Variants in MCC observed in about 807,000 individuals in gnomAD.
MCC encodes the protein colorectal mutant cancer protein.
A neutral mutation model predicts 116.2 loss-of-function variants in MCC; 90 were observed. The observed-to-expected ratio is 0.77, with a 90% confidence interval of 0.65 to 0.92. MCC has a LOEUF of 0.92. Ranked by LOEUF, MCC falls within the 40% of genes least tolerant of loss-of-function variation. The probability of loss-of-function intolerance (pLI) is 0.00; values close to 1 mark genes in which losing one functional copy is unlikely to be tolerated. For missense variants in MCC, 1,516 were observed against 1,312.2 expected, an observed-to-expected ratio of 1.16 and a Z score of -2.40; for synonymous variants, 578 against 510.5, an observed-to-expected ratio of 1.13 and a Z score of -1.78.
chr5:113,161,042 TTG>T (rs879640711), intron 3 of MCC, among the ~76,000 whole-genome samples: 1 of 152,214 alleles, frequency 6.6e-6, no homozygotes, highest in Non-Finnish European at 1.5e-5. Context: ...TATACAAATA[TTG>T]TAAGACAATA....
At chr5:113,356,676 C>A (rs1768423424) in intron 2 of MCC, among the ~76,000 whole-genome samples, 1 of 152,142 alleles carries the variant, frequency 6.6e-6, no homozygotes, top group Non-Finnish European at 1.5e-5. Context: ...CAAAGTGCCA[C>A]CCAGGTTTGG....
At chr5:113,040,539 G>A (rs1225038044) in intron 17 of MCC, among the ~76,000 whole-genome samples, 1 of 151,972 alleles carries the variant, frequency 6.6e-6, no homozygotes, top group Non-Finnish European at 1.5e-5. Context: ...CCATAAGCTC[G>A]GCTGTGATTT....
chr5:113,043,399 T>C, intron 17 of MCC, 131 bp downstream of exon 17: 2 of 844,104 alleles, frequency 2.4e-6, no homozygotes. Context: ...CCTTCTCCAT[T>C]TCTGGCTTCC....
At chr5:113,439,606 T>C (rs866806989) in intron 1 of MCC, among the ~76,000 whole-genome samples, 2 of 152,320 alleles carry the variant, frequency 1.3e-5, no homozygotes, top group Middle Eastern at 3.4e-3. Context: ...AGTTTTCTGC[T>C]AGAGACTCAT....
chr5:113,179,989 TC>T (rs1026299974), intron 3 of MCC, among the ~76,000 whole-genome samples: 3 of 152,194 alleles, frequency 2.0e-5, no homozygotes, highest in Admixed American at 2.0e-4. Context: ...AGATGTAGCT[TC>T]AGACGATGTG....
At chr5:113,306,861 T>G (rs1766998317) in intron 3 of MCC, among the ~76,000 whole-genome samples, 1 of 152,198 alleles carries the variant, frequency 6.6e-6, no homozygotes, top group Non-Finnish European at 1.5e-5. Context: ...AGCCCTTATG[T>G]TGAGGTCAAT....
intron 11 of MCC, among the ~76,000 whole-genome samples, chr5:113,080,815 C>CAAAAAAAAAAAAAAAAAAAAAAAAA (rs1236332931): frequency 9.0e-6 from 1 of 110,762 alleles, no homozygotes; most frequent in African/African-American, 3.8e-5. Context: ...ACAACAACAA[C>CAAAAAAAAAAAAAAAAAAAAAAAAA]AAAAAAAAAA....
At chr5:113,375,662 C>CT (rs1230248671) in intron 2 of MCC, among the ~76,000 whole-genome samples, 1 of 152,108 alleles carries the variant, frequency 6.6e-6, no homozygotes, top group Non-Finnish European at 1.5e-5. Flanking sequence ...GGGCTTGGTG[C>CT]TGGCTGTTGG....
At chr5:113,310,791 T>C (rs115447001) in intron 3 of MCC, among the ~76,000 whole-genome samples, 3,422 of 152,334 alleles carry the variant, frequency 0.022, 78 homozygotes, top group East Asian at 0.075. Context: ...TGGACTAATT[T>C]ATTTTATCTT....
chr5:113,139,297 G>A (rs1283452748), intron 5 of MCC, among the ~76,000 whole-genome samples: 1 of 152,146 alleles, frequency 6.6e-6, no homozygotes, highest in African/African-American at 2.4e-5. Flanking sequence ...TTAATGCAGA[G>A]TCCTTTGTTG....
intron 1 of MCC, among the ~76,000 whole-genome samples, chr5:113,413,720 C>G (rs1360549369): frequency 6.6e-6 from 1 of 152,108 alleles, no homozygotes; most frequent in Non-Finnish European, 1.5e-5. Flanking sequence ...TTCAAAAAAC[C>G]AGCTCTTGGA....
intron 11 of MCC, among the ~76,000 whole-genome samples, chr5:113,073,282 C>T (rs1754171106): frequency 2.0e-5 from 3 of 152,182 alleles, no homozygotes; most frequent in Admixed American, 2.0e-4. Context: ...GCTTTCAGCA[C>T]CACACATGGC....
intron 14 of MCC, among the ~76,000 whole-genome samples, chr5:113,054,940 C>T (rs1752727939): frequency 1.3e-5 from 2 of 152,254 alleles, no homozygotes; most frequent in Admixed American, 6.5e-5. Context: ...ATAAGGCCCA[C>T]TCCACTCGGT....
chr5:113,311,289 T>C (rs1267441474), intron 3 of MCC, among the ~76,000 whole-genome samples: 1 of 152,240 alleles, frequency 6.6e-6, no homozygotes, highest in African/African-American at 2.4e-5. Context: ...CTTGTCCATG[T>C]GACTAACTTT....
chr5:113,323,948 GC>G (rs1767485448), intron 3 of MCC, among the ~76,000 whole-genome samples: 1 of 152,176 alleles, frequency 6.6e-6, no homozygotes, highest in Non-Finnish European at 1.5e-5. Context: ...CTAATGCCTG[GC>G]TTACTATCTA....
At chr5:113,439,522 CAGA>C (rs1770968447) in intron 1 of MCC, among the ~76,000 whole-genome samples, 1 of 152,198 alleles carries the variant, frequency 6.6e-6, no homozygotes, top group South Asian at 2.1e-4. Flanking sequence ...TCAGTACCCT[CAGA>C]AGGTCTCTCA....
chr5:113,349,408 A>G (rs1768213177), intron 2 of MCC, among the ~76,000 whole-genome samples: 2 of 152,126 alleles, frequency 1.3e-5, no homozygotes, highest in African/African-American at 2.4e-5. Flanking sequence ...AAATCAATCA[A>G]TGTGATACTC....
chr5:113,160,821 G>A (rs568691636), intron 3 of MCC, among the ~76,000 whole-genome samples: 5 of 152,266 alleles, frequency 3.3e-5, no homozygotes, highest in East Asian at 1.9e-4. Context: ...GAAGGAATCC[G>A]TGAAAAATTA....
At chr5:113,285,214 G>A (rs1766202846) in intron 3 of MCC, among the ~76,000 whole-genome samples, 1 of 152,124 alleles carries the variant, frequency 6.6e-6, no homozygotes, top group Admixed American at 6.5e-5. Context: ...GAAGCCAAAG[G>A]AGAGGCATCT....
Sources: allele counts gnomAD v4.1 joint callset (sites outside exome capture counted in the v4.1 genomes callset), GRCh38; gene constraint gnomAD v4.1.1; transcripts MANE v1.5; gene names NCBI Gene and HGNC (gene_info 2026-07-23, HGNC 2026-07-21).